The following ATP11A variants were observed in gnomAD, a reference collection of about 807,000 sequenced individuals.
ATP11A encodes phospholipid-transporting ATPase IH.
ATP11A carries 81 observed loss-of-function variants against 154.4 expected under a neutral mutation model. The ratio of observed to expected loss-of-function variants is 0.52; its 90% CI spans 0.44 to 0.63. The LOEUF (loss-of-function observed/expected upper bound fraction) is 0.63, where lower values mean the gene tolerates loss of function less well. Among genes scored for constraint, ATP11A ranks in the 30% least tolerant of loss-of-function variants. The pLI is 0.00. For missense variants in ATP11A, 1,316 were observed against 1,474.3 expected, an observed-to-expected ratio of 0.89 and a Z score of 1.76; for synonymous variants, 623 against 585.9, an observed-to-expected ratio of 1.06 and a Z score of -0.91.
intron 1 of ATP11A, among the ~76,000 whole-genome samples, chr13:112,740,297 C>G (rs971232164): frequency 1.3e-5 from 2 of 152,080 alleles, no homozygotes; most frequent in African/African-American, 2.4e-5. Flanking sequence ...CTGCCTCAGC[C>G]TCCTGAGTAG....
At chr13:112,832,772 C>T (rs376413025) in intron 13 of ATP11A, 88 bp from the exon 14 acceptor site, 27 of 1,509,620 alleles carry the variant, frequency 1.8e-5, no homozygotes, top group East Asian at 1.4e-4. Context: ...CCCCCCACCC[C>T]GCTTCTTGTT....
intron 1 of ATP11A, among the ~76,000 whole-genome samples, chr13:112,757,077 A>T (rs1006628605): frequency 2.6e-5 from 4 of 152,238 alleles, no homozygotes; most frequent in African/African-American, 9.6e-5. Context: ...AGTGCTTTTT[A>T]TTTATTTAGG....
At chr13:112,831,303 C>A in intron 12 of ATP11A, 72 bp from the exon 13 acceptor site, 1 of 1,531,530 alleles carries the variant, frequency 6.5e-7, no homozygotes, top group South Asian at 1.2e-5. Context: ...GGAAACACGG[C>A]TGCTGTGTGT....
chr13:112,824,234 A>T, intron 9 of ATP11A, 110 bp from the exon 10 acceptor site: 1 of 830,574 alleles, frequency 1.2e-6, no homozygotes, highest in Admixed American at 1.9e-5. Flanking sequence ...GAAATTAAAA[A>T]TAGGATTCGC....
intron 8 of ATP11A, among the ~76,000 whole-genome samples, chr13:112,822,609 G>A (rs547377149): frequency 6.6e-6 from 1 of 152,146 alleles, no homozygotes; most frequent in East Asian, 1.9e-4. Flanking sequence ...AATTGAGGCT[G>A]GGCATGGGGA....
intron 19 of ATP11A, 37 bp downstream of exon 19, chr13:112,854,567 C>T (rs201003361): frequency 2.4e-5 from 38 of 1,583,914 alleles, no homozygotes; most frequent in Admixed American, 1.0e-4. Flanking sequence ...CCCACACTCC[C>T]GCAAAAGGGG....
intron 1 of ATP11A, among the ~76,000 whole-genome samples, chr13:112,719,756 C>T (rs1299371489): frequency 1.3e-5 from 2 of 152,138 alleles, no homozygotes; most frequent in African/African-American, 4.8e-5. Context: ...TGAGAAAAAC[C>T]GGTCTGTTTT....
intron 1 of ATP11A, among the ~76,000 whole-genome samples, chr13:112,710,564 G>A (rs1887617862): frequency 6.6e-6 from 1 of 152,240 alleles, no homozygotes; most frequent in African/African-American, 2.4e-5. Flanking sequence ...GGCTCCAGGA[G>A]GCGGCGGAGG....
chr13:112,729,441 G>T (rs759357923), intron 1 of ATP11A, among the ~76,000 whole-genome samples: 2 of 150,904 alleles, frequency 1.3e-5, no homozygotes, highest in African/African-American at 5.0e-5. Flanking sequence ...CTGAGGCAGC[G>T]CGGTTCCCAC....
At chr13:112,818,628 G>A (rs574243963) in intron 6 of ATP11A, among the ~76,000 whole-genome samples, 7 of 152,316 alleles carry the variant, frequency 4.6e-5, no homozygotes, top group African/African-American at 1.4e-4. Context: ...ACCTGCTGGT[G>A]CTCACAGATG....
At chr13:112,871,250 T>C (rs913123741) in intron 25 of ATP11A, among the ~76,000 whole-genome samples, 7 of 152,236 alleles carry the variant, frequency 4.6e-5, no homozygotes, top group African/African-American at 1.7e-4. Flanking sequence ...AGTCTGTGAG[T>C]TTGTTCCTGA....
At chr13:112,868,546 G>A (rs767071561) in intron 25 of ATP11A, among the ~76,000 whole-genome samples, 1 of 152,216 alleles carries the variant, frequency 6.6e-6, no homozygotes, top group Non-Finnish European at 1.5e-5. Flanking sequence ...GTCACATGAG[G>A]ACAGGGTTCC....
intron 25 of ATP11A, among the ~76,000 whole-genome samples, chr13:112,870,413 C>G (rs1485016874): frequency 6.6e-6 from 1 of 152,196 alleles, no homozygotes; most frequent in Non-Finnish European, 1.5e-5. Context: ...AGTCTGTGCT[C>G]TGTCGCCCAC....
Position 112,716,997 on chromosome 13 carries a change from G to A in ATP11A, c.39+26542G>A, listed in dbSNP as rs558751678. Among the ~76,000 whole-genome samples, 7 of 152,176 alleles carry A rather than the reference G, an allele frequency of 4.6e-5. No individual in the cohort carries two copies. In the South Asian group the frequency reaches 1.5e-3, roughly 32 times the overall value. On this transcript the variant is annotated intron_variant, in intron 1 of 29. Coordinates refer to ENST00000375645, the MANE Select transcript of ATP11A (RefSeq NM_015205.3). ...TCCACCCACAGACGCAGACCCACTG[G>A]CCTGCAGGGCCCATAGAGGCTGTTG...
chr13:112,802,409 G>T (rs380201), intron 2 of ATP11A, among the ~76,000 whole-genome samples: 3 of 148,830 alleles, frequency 2.0e-5, no homozygotes, highest in African/African-American at 7.8e-5. Context: ...CCTGGGAGTA[G>T]ATCCACCCAG....
intron 1 of ATP11A, among the ~76,000 whole-genome samples, chr13:112,755,343 T>C (rs1008648460): frequency 2.0e-5 from 3 of 152,150 alleles, no homozygotes; most frequent in Non-Finnish European, 4.4e-5. Context: ...CCTAGAACTC[T>C]GCCCAGCTTG....
chr13:112,777,966 C>G (rs1431137638), intron 1 of ATP11A, among the ~76,000 whole-genome samples: 2 of 152,204 alleles, frequency 1.3e-5, no homozygotes, highest in Non-Finnish European at 2.9e-5. Context: ...GGCCTGGCCC[C>G]GAAGAAGGCA....
intron 16 of ATP11A, among the ~76,000 whole-genome samples, chr13:112,840,565 C>A (rs1027956729): frequency 6.7e-6 from 1 of 150,066 alleles, no homozygotes. Flanking sequence ...CCTCCAGCCT[C>A]AGCCTCCGTC....
rs191390372 is a variant in ATP11A at position 112,837,456 on chromosome 13, C to G, written c.1705+1205C>G. Among the ~76,000 whole-genome samples, 452 of 152,360 alleles carry G rather than the reference C, an allele frequency of 3.0e-3. 1 individual carries two copies. The highest frequency in any genetic ancestry group is 0.01 in the African/African-American group (432 of 41,586). On this transcript the variant is annotated intron_variant, in intron 16 of 29. Transcript: ENST00000375645. ...ACTGGCTGCCTGCACGCATCCCGAA[C>G]GCAGAACCGATGCTCTTCTCAGCAA... is the stretch of plus-strand genomic sequence containing the variant.
Sources: gnomAD v4.1 joint callset for allele counts (sites outside exome capture counted in the v4.1 genomes callset) on GRCh38, gnomAD v4.1.1 for gene constraint, MANE v1.5 for transcripts, NCBI Gene and HGNC (gene_info 2026-07-23, HGNC 2026-07-21) for gene names.